NEGR1: variants seen among roughly 807,000 people sequenced by gnomAD.
The protein encoded by NEGR1 is neuronal growth regulator 1.
Under a neutral mutation model 40.9 loss-of-function variants are expected in NEGR1, and 10 were observed. The ratio of observed to expected loss-of-function variants is 0.24; its 90% CI spans 0.15 to 0.42. The LOEUF is 0.42. Among genes scored for constraint, NEGR1 ranks in the 10% least tolerant of loss-of-function variants. NEGR1 has a pLI of 1.00. For synonymous variants in NEGR1, 185 were observed against 166.8 expected (o/e 1.11, Z -0.84); for missense variants, 352 against 438.9 (o/e 0.80, Z 1.77).
At chr1:71,520,371 C>T (rs529449507) in intron 6 of NEGR1, among the ~76,000 whole-genome samples, 4 of 152,096 alleles carry the variant, frequency 2.6e-5, no homozygotes, top group South Asian at 4.1e-4. Flanking sequence ...GCTCCGTAAG[C>T]GTGGAATCAG....
chr1:71,778,944 A>G (rs1656606588), intron 2 of NEGR1, among the ~76,000 whole-genome samples: 1 of 152,180 alleles, frequency 6.6e-6, no homozygotes, highest in African/African-American at 2.4e-5. Context: ...ACATTTACCT[A>G]TAGGAGATTG....
chr1:71,734,251 C>G (rs1305651794), intron 3 of NEGR1, among the ~76,000 whole-genome samples: 3 of 152,168 alleles, frequency 2.0e-5, no homozygotes, highest in African/African-American at 7.2e-5. Context: ...GTTTATAGAG[C>G]TGGTTGGCTG....
In NEGR1 at chr1:72,109,510, T is replaced by C. The variant is rs935315936; in HGVS notation, c.176+172809A>G. ...ACTTATTAACTTCCAACTGATTCTA[T>C]GGTATCTTTTGAGACAAATGTTATA... On this transcript the variant is annotated intron_variant, in intron 1 of 6. Coordinates refer to ENST00000357731, the MANE Select transcript of NEGR1 (RefSeq NM_173808.3). Among the ~76,000 whole-genome samples the C allele has an allele frequency of 3.3e-5, 5 of 151,836 alleles. No homozygotes were observed. In the East Asian group the frequency reaches 5.8e-4, roughly 18 times the overall value.
intron 3 of NEGR1, among the ~76,000 whole-genome samples, chr1:71,759,596 C>CTTTCTT (rs1655866865): frequency 3.1e-5 from 1 of 31,952 alleles, no homozygotes; most frequent in East Asian, 1.1e-3. Flanking sequence ...TGCGTCCAGG[C>CTTTCTT]TTTTTTTTTT....
At chr1:71,888,083 T>A (rs566882880) in intron 2 of NEGR1, among the ~76,000 whole-genome samples, 3 of 151,808 alleles carry the variant, frequency 2.0e-5, no homozygotes, top group Non-Finnish European at 2.9e-5. Flanking sequence ...TCTGAACGGC[T>A]CCATAATTTA....
At chr1:71,417,449 G>T (rs17091188) in intron 6 of NEGR1, among the ~76,000 whole-genome samples, 86 of 152,286 alleles carry the variant, frequency 5.6e-4, no homozygotes, top group Non-Finnish European at 1.1e-3. Context: ...GTAAAGTAAC[G>T]TTGGTTCCAT....
At chr1:71,820,357 T>C (rs1017949987) in intron 2 of NEGR1, among the ~76,000 whole-genome samples, 20 of 152,124 alleles carry the variant, frequency 1.3e-4, no homozygotes, top group Non-Finnish European at 2.5e-4. Flanking sequence ...AGTGAAGATG[T>C]GGCACTGACT....
intron 3 of NEGR1, among the ~76,000 whole-genome samples, chr1:71,764,066 C>T (rs949109887): frequency 1.3e-5 from 2 of 152,252 alleles, no homozygotes; most frequent in South Asian, 4.1e-4. Context: ...TCAATTATTA[C>T]AATTCAGAAA....
At chr1:71,515,744 T>C (rs1311950676) in intron 6 of NEGR1, among the ~76,000 whole-genome samples, 9 of 138,740 alleles carry the variant, frequency 6.5e-5, no homozygotes, top group Admixed American at 4.2e-4. Flanking sequence ...TAAATGTAAG[T>C]GGACTAAATG....
intron 6 of NEGR1, among the ~76,000 whole-genome samples, chr1:71,414,276 G>A (rs1049285427): frequency 6.6e-6 from 1 of 152,060 alleles, no homozygotes; most frequent in African/African-American, 2.4e-5. Context: ...ACATACTGTG[G>A]GAGGAGTTTG....
intron 1 of NEGR1, among the ~76,000 whole-genome samples, chr1:71,935,746 C>T (rs1645899637): frequency 6.6e-6 from 1 of 151,998 alleles, no homozygotes; most frequent in Non-Finnish European, 1.5e-5. Flanking sequence ...ATATAATGTA[C>T]CAGATGCAGA....
At chr1:71,550,471 T>A (rs1316925650) in intron 6 of NEGR1, among the ~76,000 whole-genome samples, 1 of 151,522 alleles carries the variant, frequency 6.6e-6, no homozygotes, top group Non-Finnish European at 1.5e-5. Flanking sequence ...TTACCCATTT[T>A]TTTTTTCCTG....
At chr1:71,942,477 ATATATATTTTTTTTTTTTTTTT>A (rs1446301376) in intron 1 of NEGR1, among the ~76,000 whole-genome samples, 9 of 14,916 alleles carry the variant, frequency 6.0e-4, no homozygotes, top group African/African-American at 2.0e-3. Context: ...ATATATATAT[ATATATATTTTTTTTTTTTTTTT>A]TTTTTTTTTT....
chr1:72,171,852 A>G (rs1651974691), intron 1 of NEGR1, among the ~76,000 whole-genome samples: 1 of 152,178 alleles, frequency 6.6e-6, no homozygotes. Flanking sequence ...GGATATAAAA[A>G]TCTTAAACTA....
intron 3 of NEGR1, among the ~76,000 whole-genome samples, chr1:71,753,788 C>T (rs2101690644): frequency 6.6e-6 from 1 of 152,232 alleles, no homozygotes; most frequent in South Asian, 2.1e-4. Flanking sequence ...AACATATGCT[C>T]TGTAACATTT....
intron 1 of NEGR1, among the ~76,000 whole-genome samples, chr1:72,143,883 CAT>C (rs200866676): frequency 3.6e-4 from 45 of 126,124 alleles, no homozygotes; most frequent in African/African-American, 1.0e-3. Flanking sequence ...ATCATATATT[CAT>C]ATATATATAT....
chr1:71,462,046 T>C (rs1274768819), intron 6 of NEGR1, among the ~76,000 whole-genome samples: 3 of 152,244 alleles, frequency 2.0e-5, no homozygotes, highest in African/African-American at 7.2e-5. Context: ...TGTATTTAGA[T>C]AAATTAATTT....
intron 2 of NEGR1, among the ~76,000 whole-genome samples, chr1:71,873,813 A>T (rs1660348742): frequency 1.3e-5 from 2 of 152,146 alleles, no homozygotes; most frequent in African/African-American, 4.8e-5. Context: ...GAGCATTTGG[A>T]TGTGGTTGAA....
chr1:71,840,277 C>T (rs1659192269), intron 2 of NEGR1, among the ~76,000 whole-genome samples: 1 of 151,928 alleles, frequency 6.6e-6, no homozygotes, highest in South Asian at 2.1e-4. Context: ...AATTGTGCTG[C>T]CATAAACACT....
Sources: gnomAD v4.1 joint callset for allele counts (sites outside exome capture counted in the v4.1 genomes callset) on GRCh38, gnomAD v4.1.1 for gene constraint, MANE v1.5 for transcripts, NCBI Gene and HGNC (gene_info 2026-07-23, HGNC 2026-07-21) for gene names.